Variants in UEVLD observed in about 807,000 individuals in gnomAD.
UEVLD encodes the protein ubiquitin-conjugating enzyme E2 variant 3.
Under a neutral mutation model 58.6 loss-of-function variants are expected in UEVLD, and 47 were observed. The observed-to-expected ratio is 0.80, with a 90% CI of 0.63 to 1.02. UEVLD has a LOEUF of 1.02. Ranked by LOEUF, UEVLD falls within the 50% of genes least tolerant of loss-of-function variation. The pLI, the probability that UEVLD is intolerant of heterozygous loss-of-function variation, is 0.00. For synonymous variants in UEVLD, 197 were observed against 195.3 expected (o/e 1.01, Z -0.07); for missense variants, 510 against 550.6 (o/e 0.93, Z 0.74).
At chr11:18,560,138 C>CACACACGG (rs368897951) in intron 6 of UEVLD, among the ~76,000 whole-genome samples, 1 of 74,816 alleles carries the variant, frequency 1.3e-5, no homozygotes, top group Non-Finnish European at 2.5e-5. Flanking sequence ...CACACACACA[C>CACACACGG]AGAGAGAGAA....
chr11:18,573,438 T>G (rs1446512490), intron 3 of UEVLD, among the ~76,000 whole-genome samples: 1 of 152,160 alleles, frequency 6.6e-6, no homozygotes, highest in Non-Finnish European at 1.5e-5. Flanking sequence ...CTAACCAAGA[T>G]AAATTCAGAA....
chr11:18,536,895 CTTTTTT>C, intron 9 of UEVLD: 7 of 139,388 alleles, frequency 5.0e-5, no homozygotes, highest in Non-Finnish European at 9.8e-5. Context: ...AATCCTGTTC[CTTTTTT>C]TTTTTTTTTT....
intron 9 of UEVLD, chr11:18,538,990 A>G (rs1850937615): frequency 6.6e-6 from 1 of 150,498 alleles, no homozygotes; most frequent in Middle Eastern, 3.4e-3. Flanking sequence ...AGACCGTGCC[A>G]CTGTGCTCCA....
At chr11:18,575,904 C>T (rs1248497191) in intron 2 of UEVLD, among the ~76,000 whole-genome samples, 5 of 152,198 alleles carry the variant, frequency 3.3e-5, no homozygotes, top group South Asian at 2.1e-4. Flanking sequence ...ACCTCCACTA[C>T]GCCCCCTCAG....
At chr11:18,577,871 CA>C (rs550091645) in intron 2 of UEVLD, among the ~76,000 whole-genome samples, 17,897 of 66,598 alleles carry the variant, frequency 0.27, 957 homozygotes, top group East Asian at 0.5. Context: ...GACTCCATCT[CA>C]AAAAAAAAAA....
intron 9 of UEVLD, chr11:18,536,701 C>G (rs1850813152): frequency 2.2e-6 from 1 of 455,998 alleles, no homozygotes. Flanking sequence ...TGCTTGCAGT[C>G]TCCTTACCTG....
chr11:18,543,177 C>G (rs1851141226), intron 9 of UEVLD, among the ~76,000 whole-genome samples: 1 of 152,128 alleles, frequency 6.6e-6, no homozygotes, highest in Non-Finnish European at 1.5e-5. Context: ...AGGCGTGAGC[C>G]ACCACACCCA....
chr11:18,578,477 T>C (rs548650411), intron 2 of UEVLD, among the ~76,000 whole-genome samples: 11 of 152,354 alleles, frequency 7.2e-5, no homozygotes, highest in African/African-American at 2.6e-4. Flanking sequence ...CCTACAGAAT[T>C]ATAACACAGT....
At chr11:18,586,340 G>A (rs1026986146) in intron 1 of UEVLD, among the ~76,000 whole-genome samples, 1 of 151,880 alleles carries the variant, frequency 6.6e-6, no homozygotes, top group Non-Finnish European at 1.5e-5. Flanking sequence ...TCAGCCTCCC[G>A]AGTAGATGGG....
intron 1 of UEVLD, among the ~76,000 whole-genome samples, chr11:18,585,065 TA>T (rs1853470806): frequency 6.6e-6 from 1 of 152,150 alleles, no homozygotes. Context: ...ATTTTCTTTT[TA>T]AAAAAATTGA....
intron 7 of UEVLD, among the ~76,000 whole-genome samples, chr11:18,549,247 G>A (rs12418907): frequency 0.011 from 1,631 of 152,228 alleles, 11 homozygotes; most frequent in Non-Finnish European, 0.016. Context: ...CTGTTATGTG[G>A]AGAGGTTAGG....
At chr11:18,538,679 T>C (rs931086883) in intron 9 of UEVLD, among the ~76,000 whole-genome samples, 9 of 151,992 alleles carry the variant, frequency 5.9e-5, no homozygotes, top group Non-Finnish European at 1.2e-4. Flanking sequence ...ACCTCTCGCA[T>C]GATTCATAAT....
At chr11:18,536,549 A>G in intron 9 of UEVLD, 80 bp from the exon 10 acceptor site, 1 of 1,184,234 alleles carries the variant, frequency 8.4e-7, no homozygotes, top group East Asian at 2.4e-5. Flanking sequence ...TTTGGAGTCA[A>G]GGGTACCTGT....
Position 18,532,035 on chromosome 11 carries a change from A to G in UEVLD, c.*285T>C. The G allele has an allele frequency of 4.8e-6, 1 of 207,754 alleles. No homozygotes were observed. Among genetic ancestry groups the G allele is most frequent in the East Asian group, 1.1e-4 (1 of 9,382 alleles). 12.9% of individuals were successfully genotyped at this position (207,754 alleles called of 1,614,324 possible). ...ATGAATTGTGCTTTTAGTTTAGGAT[A>G]TATGATTTAAATTGATGCACACTGC... On this transcript the variant is annotated 3_prime_UTR_variant, in exon 12 of 12. Coordinates refer to ENST00000396197, the MANE Select transcript of UEVLD (RefSeq NM_001040697.4).
chr11:18,586,227 T>G (rs1477956365), intron 1 of UEVLD, among the ~76,000 whole-genome samples: 2 of 152,170 alleles, frequency 1.3e-5, no homozygotes, highest in African/African-American at 4.8e-5. Context: ...TTTTTTTTAT[T>G]TTTTTGAGAT....
At chr11:18,563,397 C>T (rs892089904) in intron 6 of UEVLD, among the ~76,000 whole-genome samples, 18 of 151,876 alleles carry the variant, frequency 1.2e-4, no homozygotes, top group Non-Finnish European at 2.5e-4. Flanking sequence ...TCAAGACCAG[C>T]CTGGGCAACA....
intron 4 of UEVLD, among the ~76,000 whole-genome samples, chr11:18,569,091 TCAC>T: frequency 6.6e-6 from 1 of 152,166 alleles, no homozygotes; most frequent in Non-Finnish European, 1.5e-5. Flanking sequence ...AGACAGGGTT[TCAC>T]TGCGTTAGCC....
intron 2 of UEVLD, 48 bp downstream of exon 2, chr11:18,578,676 T>G: frequency 7.1e-7 from 1 of 1,410,940 alleles, no homozygotes; most frequent in Non-Finnish European, 9.9e-7. Flanking sequence ...GACCAAAAAT[T>G]AGTAGTTCAA....
chr11:18,542,890 C>CTTTTTTTT (rs890676886), intron 9 of UEVLD, among the ~76,000 whole-genome samples: 4,631 of 125,586 alleles, frequency 0.037, 227 homozygotes, highest in Non-Finnish European at 0.052. Flanking sequence ...CTTTTCTTTT[C>CTTTTTTTT]TTTTTTTTTT....
Sources: gnomAD v4.1 joint callset for allele counts (sites outside exome capture counted in the v4.1 genomes callset) on GRCh38, gnomAD v4.1.1 for gene constraint, MANE v1.5 for transcripts, NCBI Gene and HGNC (gene_info 2026-07-23, HGNC 2026-07-21) for gene names.